Variants in PIK3C2G observed in about 807,000 individuals in gnomAD.
The protein encoded by PIK3C2G is phosphatidylinositol-4-phosphate 3-kinase catalytic subunit type 2 gamma.
PIK3C2G carries 168 observed loss-of-function variants against 181.1 expected under a neutral mutation model. That is an observed-to-expected ratio of 0.93 (90% CI 0.82 to 1.05). The LOEUF is 1.05. PIK3C2G is among the 50% of genes least tolerant of loss of function. PIK3C2G has a pLI of 0.00. For synonymous variants in PIK3C2G, 573 were observed against 592.2 expected (o/e 0.97, Z 0.47); for missense variants, 1,869 against 1,732.8 (o/e 1.08, Z -1.40).
the PIK3C2G span, among the ~76,000 whole-genome samples, chr12:18,698,628 G>A: frequency 6.6e-6 from 1 of 151,972 alleles, no homozygotes; most frequent in Non-Finnish European, 1.5e-5. Context: ...ATGGTAGATT[G>A]CATTTTTTTA....
At chr12:18,361,252 A>G (rs1311462546) in intron 11 of PIK3C2G, among the ~76,000 whole-genome samples, 4 of 151,942 alleles carry the variant, frequency 2.6e-5, no homozygotes, top group Admixed American at 2.6e-4. Context: ...CATAATTTCT[A>G]TTTGGTTATT....
intron 29 of PIK3C2G, among the ~76,000 whole-genome samples, chr12:18,568,299 C>T (rs1945742663): frequency 6.6e-6 from 1 of 152,038 alleles, no homozygotes; most frequent in African/African-American, 2.4e-5. Context: ...AGAGTTTGGA[C>T]GCCAAGCCCA....
chr12:18,273,128 T>G (rs1246820050), intron 1 of PIK3C2G, among the ~76,000 whole-genome samples: 1 of 152,056 alleles, frequency 6.6e-6, no homozygotes, highest in African/African-American at 2.4e-5. Context: ...ACACAAAATA[T>G]TATGAGGATG....
chr12:18,562,995 A>G (rs879681877), intron 27 of PIK3C2G, 103 bp downstream of exon 27: 2 of 738,966 alleles, frequency 2.7e-6, no homozygotes, highest in Non-Finnish European at 2.2e-6. Context: ...ATTTTTTACT[A>G]AGCAAATGAA....
intron 31 of PIK3C2G, among the ~76,000 whole-genome samples, chr12:18,615,535 A>G (rs1016379808): frequency 2.0e-5 from 3 of 151,950 alleles, no homozygotes; most frequent in African/African-American, 7.2e-5. Context: ...TGCAATAAAC[A>G]TACATGTGCA....
chr12:18,683,202 G>A, the PIK3C2G span: 31 of 1,552,144 alleles, frequency 2.0e-5, no homozygotes, highest in Middle Eastern at 3.4e-4. Context: ...GTTTTATTGC[G>A]ATGCATAGCT....
intron 18 of PIK3C2G, among the ~76,000 whole-genome samples, chr12:18,450,560 T>C (rs1489981043): frequency 3.3e-5 from 5 of 152,352 alleles, no homozygotes; most frequent in Middle Eastern, 3.4e-3. Flanking sequence ...ACAGTTTCTT[T>C]TGCTGTGCAG....
intron 18 of PIK3C2G, among the ~76,000 whole-genome samples, chr12:18,454,560 G>A (rs1196329335): frequency 6.6e-6 from 1 of 152,142 alleles, no homozygotes; most frequent in Non-Finnish European, 1.5e-5. Flanking sequence ...TAAGGTGGCT[G>A]AGTATCTGAA....
chr12:18,497,489 A>C (rs1033939948), intron 21 of PIK3C2G, 130 bp from the exon 22 acceptor site: 4 of 564,410 alleles, frequency 7.1e-6, no homozygotes, highest in Admixed American at 4.0e-5. Flanking sequence ...AGTGCTAACA[A>C]AACCATTAAA....
chr12:18,682,898 G>T, the PIK3C2G span, among the ~76,000 whole-genome samples: 1 of 151,894 alleles, frequency 6.6e-6, no homozygotes, highest in Non-Finnish European at 1.5e-5. Context: ...CTTTTATACT[G>T]CTAAATATTT....
intron 29 of PIK3C2G, among the ~76,000 whole-genome samples, chr12:18,570,861 A>G (rs1945900409): frequency 6.6e-6 from 1 of 150,856 alleles, no homozygotes; most frequent in African/African-American, 2.5e-5. Flanking sequence ...TCGAAGGCAG[A>G]GAACCGAAAA....
At chr12:18,622,402 G>A (rs1279768301) in intron 31 of PIK3C2G, among the ~76,000 whole-genome samples, 8 of 151,924 alleles carry the variant, frequency 5.3e-5, no homozygotes, top group Non-Finnish European at 1.0e-4. Context: ...TTCTTTTGAG[G>A]TTTAATAATA....
intron 26 of PIK3C2G, among the ~76,000 whole-genome samples, chr12:18,561,333 G>A (rs1565509238): frequency 6.6e-6 from 1 of 152,180 alleles, no homozygotes; most frequent in Admixed American, 6.5e-5. Flanking sequence ...GGTGGGTTTA[G>A]ACAGGCATAC....
At chr12:18,488,409 G>T in intron 18 of PIK3C2G, 40 bp from the exon 19 acceptor site, 3 of 1,380,992 alleles carry the variant, frequency 2.2e-6, no homozygotes, top group Admixed American at 2.7e-5. Context: ...TAAAAAATTA[G>T]CTTTACATAC....
At chr12:18,270,391 A>G (rs528081357) in intron 1 of PIK3C2G, among the ~76,000 whole-genome samples, 18 of 151,960 alleles carry the variant, frequency 1.2e-4, no homozygotes, top group Non-Finnish European at 2.6e-4. Context: ...TTTCTCTCTC[A>G]TTAACCCCTG....
chr12:18,627,428 G>T (rs1359840475), intron 31 of PIK3C2G, among the ~76,000 whole-genome samples: 2 of 152,038 alleles, frequency 1.3e-5, no homozygotes, highest in Non-Finnish European at 2.9e-5. Context: ...GAGATGCCAT[G>T]ATTCCTTGAG....
At chr12:18,411,464 GTAGA>G (rs1944865367) in intron 16 of PIK3C2G, among the ~76,000 whole-genome samples, 2 of 149,146 alleles carry the variant, frequency 1.3e-5, no homozygotes, top group South Asian at 4.3e-4. Flanking sequence ...GAATTATTCA[GTAGA>G]TAGACATTTA....
chr12:18,476,240 A>G (rs1334995350), intron 18 of PIK3C2G, among the ~76,000 whole-genome samples: 1 of 152,184 alleles, frequency 6.6e-6, no homozygotes, highest in Non-Finnish European at 1.5e-5. Flanking sequence ...TGTTGTATAG[A>G]AGCATCATTT....
At chr12:18,281,054 A>G (rs550718585) in intron 1 of PIK3C2G, among the ~76,000 whole-genome samples, 37 of 151,992 alleles carry the variant, frequency 2.4e-4, no homozygotes, top group African/African-American at 8.9e-4. Context: ...TCTTGGGTGA[A>G]TTATGATTGG....
Sources: allele counts gnomAD v4.1 joint callset (sites outside exome capture counted in the v4.1 genomes callset), GRCh38; gene constraint gnomAD v4.1.1; transcripts MANE v1.5; gene names NCBI Gene and HGNC (gene_info 2026-07-23, HGNC 2026-07-21).